Variants in SDK2 observed in about 807,000 individuals in gnomAD.
The protein encoded by SDK2 is sidekick cell adhesion molecule 2.
A neutral mutation model predicts 253.9 loss-of-function variants in SDK2; 105 were observed. The observed-to-expected ratio is 0.41, with a 90% confidence interval of 0.35 to 0.49. The LOEUF (loss-of-function observed/expected upper bound fraction) is 0.49, where lower values mean the gene tolerates loss of function less well. SDK2 is among the 20% of genes least tolerant of loss of function. The pLI, the probability that SDK2 is intolerant of heterozygous loss-of-function variation, is 0.06. For missense variants in SDK2, 2,608 were observed against 3,003.0 expected, an observed-to-expected ratio of 0.87 and a Z score of 3.07; for synonymous variants, 1,249 against 1,234.9, an observed-to-expected ratio of 1.01 and a Z score of -0.24.
At chr17:73,641,951 G>A (rs752972564) in intron 1 of SDK2, among the ~76,000 whole-genome samples, 1 of 152,110 alleles carries the variant, frequency 6.6e-6, no homozygotes, top group Non-Finnish European at 1.5e-5. Context: ...GAGAGGGCTC[G>A]ATGCTGGAAA....
At position 73,552,961 on chromosome 17, in the gene SDK2, C is replaced by T. The variant is rs557422436; in HGVS notation, c.65-45364G>A. Among the ~76,000 whole-genome samples the T allele has an allele frequency of 2.0e-5, 3 of 152,350 alleles. No homozygotes were observed. The South Asian group carries it at 6.2e-4, about 32-fold the overall frequency. ...GAGCCGTAGAGGAGAGGCTCAGACC[C>T]GTTTGGGTTCTGGGTTCCTCGAGCA... On this transcript the variant is annotated intron_variant, in intron 1 of 44. Transcript: ENST00000392650.
In SDK2 at chr17:73,643,957, T is replaced by TCCCCCCC; in HGVS notation, c.64+67_64+68insGGGGGGG. 1 of 1,019,998 alleles carries TCCCCCCC rather than the reference T, an allele frequency of 9.8e-7. No homozygotes were observed. The highest frequency in any genetic ancestry group is 1.5e-6 in the Non-Finnish European group (1 of 674,882). The allele number at this position is 1,019,998 out of a possible 1,614,324, so 63.2% of individuals were successfully genotyped here. On this transcript the variant is annotated intron_variant, in intron 1 of 44. Transcript: ENST00000392650. The surrounding 1 kb of genome is among the most constrained non-coding windows in gnomAD (Gnocchi z 6.9). ...GGAGGTCACCGTGAGGCCGGCCAGC[T>TCCCCCCC]CCCGCCGCCCCTCCCCCGCCCACTC...
rs146907931 is a variant in SDK2 at position 73,485,361 on chromosome 17, G to T, written c.225-13143C>A. On this transcript the variant is annotated intron_variant, in intron 2 of 44. Transcript: ENST00000392650. Reference sequence around the variant, plus strand: ...CAAGGATGGTTGAAGAGTGCCAGGCGTGATAAGTAGATGTCAGAGACAGAG... The same window carrying T: ...CAAGGATGGTTGAAGAGTGCCAGGCTTGATAAGTAGATGTCAGAGACAGAG... Among the ~76,000 whole-genome samples the T allele has an allele frequency of 2.6e-5, 4 of 152,286 alleles. No individual in the cohort carries two copies. The East Asian group carries it at 5.8e-4, about 22-fold the overall frequency.
intron 2 of SDK2, among the ~76,000 whole-genome samples, chr17:73,506,124 G>A (rs1296315372): frequency 2.0e-5 from 3 of 152,242 alleles, no homozygotes; most frequent in Non-Finnish European, 1.5e-5. Flanking sequence ...CCATGCTCTT[G>A]GTCACCCACT....
chr17:73,403,114 C>T (rs2145533263), intron 18 of SDK2, among the ~76,000 whole-genome samples: 1 of 152,232 alleles, frequency 6.6e-6, no homozygotes, highest in African/African-American at 2.4e-5. Context: ...CTGTATTTTA[C>T]AGATGAGGAA....
chr17:73,374,000 G>T lies in SDK2; in HGVS notation c.4980+5177C>A, dbSNP rs547019689. 3.4e-4 allele frequency among the ~76,000 whole-genome samples: 49 copies of T among 144,792 alleles called. 10 individuals carry two copies. Among genetic ancestry groups the T allele is most frequent in the African/African-American group, 1.0e-3 (38 of 36,394 alleles). 95.0% of individuals were successfully genotyped at this position (144,792 alleles called of 152,430 possible). On this transcript the variant is annotated intron_variant, in intron 36 of 44. Coordinates refer to ENST00000392650, the MANE Select transcript of SDK2 (RefSeq NM_001144952.2). ...TGCCCCATTTTCTTTCACTTTTGTT[G>T]TATGAGTTCCTTACATATTTTGGCT... is the stretch of plus-strand genomic sequence containing the variant.
At chr17:73,575,980 G>C (rs1428530010) in intron 1 of SDK2, among the ~76,000 whole-genome samples, 1 of 152,178 alleles carries the variant, frequency 6.6e-6, no homozygotes, top group Non-Finnish European at 1.5e-5. Context: ...ACTGAGCTGG[G>C]GGCCGTGGGG....
Position 73,440,917 on chromosome 17 carries a change from C to A in SDK2, c.620G>T (p.Gly207Val), listed in dbSNP as rs1261893736. The A allele has an allele frequency of 4.5e-6, 7 of 1,548,668 alleles. No individual in the cohort carries two copies. The South Asian group carries it at 6.0e-5, about 13-fold the overall frequency. The change falls in exon 6 of 45, where the codon GGG (glycine) becomes GTG (valine). Residue 207 changes from glycine to valine, a missense_variant. Gly to Val is a moderately radical substitution (Grantham distance 109). Around this residue, in one of 2 missense-constraint regions of SDK2, gnomAD observed 1,505 missense variants for 1,859.1 expected, o/e 0.81. Transcript: ENST00000392650. ...QPITLTVENVGGPADPIAPTI... is the reference protein window; with the variant it reads ...QPITLTVENVVGPADPIAPTI... ...GGGTGCGATGGGGTCTGCAGGCCCC[C>A]CTACATCTGGAGAGAGATCAGATGT...
intron 30 of SDK2, 143 bp downstream of exon 30, chr17:73,387,693 G>A (rs1055466551): frequency 7.3e-6 from 5 of 681,064 alleles, no homozygotes; most frequent in African/African-American, 3.6e-5. Flanking sequence ...GTGGACGCGG[G>A]GGCCGCCTGG....
At chr17:73,610,776 C>T (rs1043531763) in intron 1 of SDK2, among the ~76,000 whole-genome samples, 1 of 151,904 alleles carries the variant, frequency 6.6e-6, no homozygotes, top group African/African-American at 2.4e-5. Flanking sequence ...TATGTGTGTT[C>T]ATGTATATAT....
Position 73,430,546 on chromosome 17 carries a change from C to T in SDK2, c.1548G>A (p.Val516=), listed in dbSNP as rs748023781. The stretch of plus-strand genomic sequence containing the variant: ...CTCGGGGGTCGTGGGTCACTCCGCA[C>T]ACCATGGAGGCCTGGGTGCCCTTGA... The part of the protein sequence containing the change: ...SVIKGTQASM[V]CGVTHDPRVT... The change falls in exon 12 of 45, where the codon GTG becomes GTA. Residue 516 remains valine, a synonymous_variant. Coordinates refer to ENST00000392650, the MANE Select transcript of SDK2 (RefSeq NM_001144952.2). 2 of 1,608,170 alleles carry T rather than the reference C, an allele frequency of 1.2e-6. No individual in the cohort carries two copies. The highest frequency in any genetic ancestry group is 1.7e-5 in the Admixed American group (1 of 59,352).
intron 36 of SDK2, among the ~76,000 whole-genome samples, chr17:73,374,299 C>T (rs2062759289): frequency 1.4e-5 from 2 of 144,236 alleles, no homozygotes; most frequent in Non-Finnish European, 2.9e-5. Flanking sequence ...TGTTCTGTCT[C>T]CCCTCGAATG....
In SDK2 at chr17:73,422,330, C is replaced by T. The variant is rs754435436; in HGVS notation, c.2002G>A (p.Val668Ile). 153 of 1,613,836 alleles carry T rather than the reference C, an allele frequency of 9.5e-5. No homozygotes were observed. Among genetic ancestry groups the T allele is most frequent in the Middle Eastern group, 4.9e-4 (3 of 6,084 alleles). Residue 668 changes from valine to isoleucine, a missense_variant, in exon 15 of 45, where the codon GTC (valine) becomes ATC (isoleucine). Transcript: ENST00000392650. ...ARSYQFRLCA[V>I]NDVGKGQFSK... ...AACTGTCCTTTCCCCACGTCGTTGACGGCACAAAGACGGAACTGGTAGGAG... is the reference window on the plus strand; with the variant it reads ...AACTGTCCTTTCCCCACGTCGTTGATGGCACAAAGACGGAACTGGTAGGAG...
At chr17:73,428,869 A>G (rs1440631921) in intron 12 of SDK2, among the ~76,000 whole-genome samples, 1 of 152,054 alleles carries the variant, frequency 6.6e-6, no homozygotes, top group African/African-American at 2.4e-5. Flanking sequence ...TGCTCCCCAG[A>G]ATCATCCCTT....
In SDK2 at chr17:73,467,060, T is replaced by G. The variant is rs1446515456; in HGVS notation, c.331+5052A>C. ...GTAGGTACTTTTCATCTACTCGTCC[T>G]GCTGAGAGCAAGGAAAACGATGTGA... On this transcript the variant is annotated intron_variant, in intron 3 of 44. Transcript: ENST00000392650. The surrounding 1 kb of genome is among the most constrained non-coding windows in gnomAD (Gnocchi z 4.1). 6.6e-6 allele frequency among the ~76,000 whole-genome samples: 1 copy of G among 152,132 alleles called. No individual in the cohort carries two copies. Among genetic ancestry groups the G allele is most frequent in the East Asian group, 1.9e-4 (1 of 5,154 alleles).
At position 73,435,085 on chromosome 17, in the gene SDK2, C is replaced by G. The variant is rs1179220612; in HGVS notation, c.1195+365G>C. Among the ~76,000 whole-genome samples, 1 of 152,176 alleles carries G rather than the reference C, an allele frequency of 6.6e-6. No individual in the cohort carries two copies. The highest frequency in any genetic ancestry group is 1.5e-5 in the Non-Finnish European group (1 of 68,028). ...TTCTTCTTTGGAAACATGAGCAGGTCTTCTGGAATGGGGTTACTCCAGCCC... is the reference window on the plus strand; with the variant it reads ...TTCTTCTTTGGAAACATGAGCAGGTGTTCTGGAATGGGGTTACTCCAGCCC... On this transcript the variant is annotated intron_variant, in intron 9 of 44. Transcript: ENST00000392650. This position sits in a 1 kb window ranked among gnomAD's most constrained non-coding sequence, Gnocchi z 5.7.
At chr17:73,583,949 C>A (rs182448042) in intron 1 of SDK2, among the ~76,000 whole-genome samples, 21 of 152,356 alleles carry the variant, frequency 1.4e-4, no homozygotes, top group Admixed American at 6.5e-4. Flanking sequence ...CAGATTTTGA[C>A]TTCCGATGAT....
intron 18 of SDK2, among the ~76,000 whole-genome samples, chr17:73,410,536 T>C (rs1418107405): frequency 6.6e-6 from 1 of 152,078 alleles, no homozygotes; most frequent in Non-Finnish European, 1.5e-5. Flanking sequence ...CAGGCTGTTT[T>C]CAAACTCTCG....
chr17:73,482,494 G>A (rs925343724), intron 2 of SDK2, among the ~76,000 whole-genome samples: 10 of 152,238 alleles, frequency 6.6e-5, no homozygotes, highest in East Asian at 1.9e-4. Context: ...AGAAAAGCCC[G>A]TGAGGCTCCG....
Sources: allele counts gnomAD v4.1 joint callset (sites outside exome capture counted in the v4.1 genomes callset), GRCh38; gene constraint gnomAD v4.1.1; regional missense constraint gnomAD v4.1.1; non-coding constraint Gnocchi (gnomAD v3.1); transcripts MANE v1.5; gene names NCBI Gene and HGNC (gene_info 2026-07-23, HGNC 2026-07-21).